KCNQ5: variants seen among roughly 807,000 people sequenced by gnomAD.
KCNQ5 encodes the protein potassium voltage-gated channel subfamily KQT member 5.
A neutral mutation model predicts 98.2 loss-of-function variants in KCNQ5; 30 were observed. That is an observed-to-expected ratio of 0.31 (90% CI 0.23 to 0.41). The LOEUF (loss-of-function observed/expected upper bound fraction) is 0.41, where lower values mean the gene tolerates loss of function less well. KCNQ5 is among the 10% of genes least tolerant of loss of function. The pLI is 1.00. For missense variants in KCNQ5, 835 were observed against 1,182.5 expected (o/e 0.71, Z 4.31); for synonymous variants, 458 against 449.4 (o/e 1.02, Z -0.24).
chr6:72,879,984 G>T (rs1778575732), intron 1 of KCNQ5, among the ~76,000 whole-genome samples: 1 of 152,042 alleles, frequency 6.6e-6, no homozygotes, highest in Non-Finnish European at 1.5e-5. Flanking sequence ...ATAACATCTG[G>T]TAGAACAACT....
chr6:73,175,983 C>G (rs1289734026), intron 11 of KCNQ5, among the ~76,000 whole-genome samples: 1 of 152,054 alleles, frequency 6.6e-6, no homozygotes, highest in Non-Finnish European at 1.5e-5. Context: ...TGCAAAGAAG[C>G]AGAAGTGAAG....
chr6:72,632,605 G>C (rs2098921635), intron 1 of KCNQ5, among the ~76,000 whole-genome samples: 1 of 152,100 alleles, frequency 6.6e-6, no homozygotes, highest in Non-Finnish European at 1.5e-5. Flanking sequence ...GTAGTCCCAA[G>C]TGTATATTGT....
intron 1 of KCNQ5, among the ~76,000 whole-genome samples, chr6:72,748,187 T>C (rs928408899): frequency 2.6e-5 from 4 of 152,092 alleles, no homozygotes; most frequent in African/African-American, 7.2e-5. Flanking sequence ...AGTTGTTTGT[T>C]TGTTTGTTTG....
chr6:73,046,574 ATTTAT>A (rs535573247), intron 3 of KCNQ5, among the ~76,000 whole-genome samples: 4 of 148,836 alleles, frequency 2.7e-5, no homozygotes, highest in African/African-American at 7.5e-5. Flanking sequence ...TAATGTCCTT[ATTTAT>A]TTTATTTTAT....
intron 1 of KCNQ5, among the ~76,000 whole-genome samples, chr6:72,895,190 GA>G (rs1779200826): frequency 6.6e-6 from 1 of 150,530 alleles, no homozygotes; most frequent in South Asian, 2.1e-4. Context: ...TTGGGAGGCT[GA>G]GGCAGGAGAA....
At chr6:72,811,495 C>G (rs563390860) in intron 1 of KCNQ5, among the ~76,000 whole-genome samples, 1 of 152,046 alleles carries the variant, frequency 6.6e-6, no homozygotes, top group Non-Finnish European at 1.5e-5. Context: ...AAATGATATA[C>G]GCAAGCATCT....
At chr6:73,071,645 C>T (rs1394579572) in intron 3 of KCNQ5, among the ~76,000 whole-genome samples, 1 of 152,056 alleles carries the variant, frequency 6.6e-6, no homozygotes, top group Non-Finnish European at 1.5e-5. Context: ...GATCACATGA[C>T]GAGAGATGAA....
At chr6:72,669,364 A>G (rs1388035378) in intron 1 of KCNQ5, among the ~76,000 whole-genome samples, 1 of 152,252 alleles carries the variant, frequency 6.6e-6, no homozygotes, top group Non-Finnish European at 1.5e-5. Flanking sequence ...GCAAATTTCC[A>G]TTCAATCTTA....
chr6:72,937,709 G>T (rs1766012357), intron 1 of KCNQ5, among the ~76,000 whole-genome samples: 1 of 152,136 alleles, frequency 6.6e-6, no homozygotes, highest in African/African-American at 2.4e-5. Context: ...AGAGAAAAAT[G>T]TGTGTTACTC....
intron 1 of KCNQ5, among the ~76,000 whole-genome samples, chr6:72,628,931 G>C (rs564161072): frequency 1.3e-5 from 2 of 152,124 alleles, no homozygotes; most frequent in South Asian, 4.2e-4. Context: ...TCTTCCTAAA[G>C]ACTTAACAGA....
At chr6:72,656,309 A>C (rs1766192559) in intron 1 of KCNQ5, among the ~76,000 whole-genome samples, 2 of 152,186 alleles carry the variant, frequency 1.3e-5, no homozygotes, top group African/African-American at 4.8e-5. Flanking sequence ...AAAAGGCAGC[A>C]GCTCTCCTCA....
chr6:73,108,166 C>T (rs902106569), intron 6 of KCNQ5, among the ~76,000 whole-genome samples: 2 of 152,162 alleles, frequency 1.3e-5, no homozygotes, highest in African/African-American at 4.8e-5. Flanking sequence ...TCATACAAGC[C>T]ACCCATCCAA....
At chr6:73,176,257 C>T (rs1476904300) in intron 11 of KCNQ5, among the ~76,000 whole-genome samples, 2 of 152,142 alleles carry the variant, frequency 1.3e-5, no homozygotes, top group Non-Finnish European at 2.9e-5. Flanking sequence ...CCTTGCTGTT[C>T]TCATAATAGC....
At chr6:72,862,943 A>C (rs1204574243) in intron 1 of KCNQ5, among the ~76,000 whole-genome samples, 4 of 152,184 alleles carry the variant, frequency 2.6e-5, no homozygotes, top group Non-Finnish European at 4.4e-5. Context: ...TGTCTTTTAA[A>C]TATCTAAAAA....
chr6:72,625,057 G>T (rs1465387951), intron 1 of KCNQ5, among the ~76,000 whole-genome samples: 1 of 152,120 alleles, frequency 6.6e-6, no homozygotes, highest in Non-Finnish European at 1.5e-5. Context: ...AGCATATTAA[G>T]GTTCTTGCCA....
At chr6:72,751,701 T>C (rs537900731) in intron 1 of KCNQ5, among the ~76,000 whole-genome samples, 1 of 152,252 alleles carries the variant, frequency 6.6e-6, no homozygotes, top group Non-Finnish European at 1.5e-5. Flanking sequence ...AGGATTAATA[T>C]AGGCATCACT....
At chr6:73,139,532 A>G (rs188503867) in intron 10 of KCNQ5, among the ~76,000 whole-genome samples, 118 of 152,270 alleles carry the variant, frequency 7.7e-4, no homozygotes, top group African/African-American at 2.8e-3. Context: ...TATTCTGTCT[A>G]TATGTCATTT....
At chr6:73,051,232 T>TG (rs1341301475) in intron 3 of KCNQ5, among the ~76,000 whole-genome samples, 1 of 152,116 alleles carries the variant, frequency 6.6e-6, no homozygotes, top group East Asian at 1.9e-4. Flanking sequence ...AACATATGCA[T>TG]GGAGGCTGGC....
At chr6:72,770,472 A>G (rs1307395048) in intron 1 of KCNQ5, among the ~76,000 whole-genome samples, 4 of 152,176 alleles carry the variant, frequency 2.6e-5, no homozygotes, top group African/African-American at 9.6e-5. Context: ...TGAAAGATAT[A>G]AAATACAATG....
Sources: allele counts gnomAD v4.1 joint callset (sites outside exome capture counted in the v4.1 genomes callset), GRCh38; gene constraint gnomAD v4.1.1; transcripts MANE v1.5; gene names NCBI Gene and HGNC (gene_info 2026-07-23, HGNC 2026-07-21).